ZNF732: variants seen among roughly 807,000 people sequenced by gnomAD.
ZNF732 encodes the protein zinc finger protein 732, also known as zinc finger protein LOC654254.
Under a neutral mutation model 11.5 loss-of-function variants are expected in ZNF732, and 12 were observed. That is an observed-to-expected ratio of 1.05 (90% CI 0.67 to 1.70). The LOEUF is 1.70. Ranked by LOEUF, ZNF732 falls within the 40% of genes most tolerant of loss-of-function variation. The pLI, the probability that ZNF732 is intolerant of heterozygous loss-of-function variation, is 0.00. For synonymous variants in ZNF732, 231 were observed against 236.5 expected (o/e 0.98, Z 0.21); for missense variants, 702 against 676.9 (o/e 1.04, Z -0.41).
intron 3 of ZNF732, among the ~76,000 whole-genome samples, chr4:287,567 A>T (rs1719757972): frequency 6.6e-6 from 1 of 152,078 alleles, no homozygotes; most frequent in Non-Finnish European, 1.5e-5. Context: ...ATATTGTCAA[A>T]TGACAATACT....
At position 299,354 on chromosome 4, in the gene ZNF732, C is replaced by CATATATACACATATGTGTATAT. The variant is rs1560164921; in HGVS notation, c.4-3221_4-3200dup. ...AGAAGCAGTTATGAGTATATATACA[C>CATATATACACATATGTGTATAT]ATATATACACATATGTGTATATATA... On this transcript the variant is annotated intron_variant, in intron 1 of 3. Coordinates refer to ENST00000419098, the MANE Select transcript of ZNF732 (RefSeq NM_001137608.3). 2.4e-4 allele frequency among the ~76,000 whole-genome samples: 30 copies of CATATATACACATATGTGTATAT among 126,482 alleles called. 1 individual carries two copies. The highest frequency in any genetic ancestry group is 4.6e-4 in the South Asian group (2 of 4,366). The allele number at this position is 126,482 out of a possible 152,430, so 83.0% of individuals were successfully genotyped here.
chr4:301,006 AT>A (rs1553843543), intron 1 of ZNF732, among the ~76,000 whole-genome samples: 1 of 152,238 alleles, frequency 6.6e-6, no homozygotes, highest in Non-Finnish European at 1.5e-5. Flanking sequence ...TCTACAAAGA[AT>A]TCAAACAAAT....
At chr4:280,704 A>C (rs111711081) in intron 3 of ZNF732, among the ~76,000 whole-genome samples, 1 of 152,236 alleles carries the variant, frequency 6.6e-6, no homozygotes, top group Admixed American at 6.5e-5. Flanking sequence ...CCCTTGCTTG[A>C]GTGGCATGCT....
At chr4:303,729 T>C (rs1447730189) in intron 1 of ZNF732, among the ~76,000 whole-genome samples, 2 of 152,258 alleles carry the variant, frequency 1.3e-5, no homozygotes, top group Admixed American at 6.5e-5. Flanking sequence ...AATTTGGGTT[T>C]GCTCCTGCAA....
At chr4:288,826 G>T (rs1484697862) in intron 3 of ZNF732, among the ~76,000 whole-genome samples, 1 of 152,150 alleles carries the variant, frequency 6.6e-6, no homozygotes, top group African/African-American at 2.4e-5. Flanking sequence ...GGCGGAAGTG[G>T]GCTGATCATG....
chr4:299,443 A>G lies in ZNF732; in HGVS notation c.4-3288T>C, dbSNP rs1412164671. 3.7e-4 allele frequency among the ~76,000 whole-genome samples: 16 copies of G among 43,472 alleles called. 3 individuals carry two copies. The highest frequency in any genetic ancestry group is 1.4e-3 in the African/African-American group (15 of 10,650). The allele number at this position is 43,472 out of a possible 152,430, so 28.5% of individuals were successfully genotyped here. A position where few individuals can be genotyped will look rare whatever the true frequency, so the allele number is the denominator to read the frequency against. ...CATATATACACATATGTGTATATAT[A>G]TATATATACACATATGTGTATATAT... On this transcript the variant is annotated intron_variant, in intron 1 of 3. Coordinates refer to ENST00000419098, the MANE Select transcript of ZNF732 (RefSeq NM_001137608.3).
At chr4:301,536 C>G (rs1720117735) in intron 1 of ZNF732, among the ~76,000 whole-genome samples, 2 of 152,106 alleles carry the variant, frequency 1.3e-5, no homozygotes, top group Non-Finnish European at 2.9e-5. Context: ...TACTATGCAG[C>G]CATAAAAAAT....
chr4:291,406 A>G (rs1719840946), intron 3 of ZNF732, among the ~76,000 whole-genome samples: 1 of 152,230 alleles, frequency 6.6e-6, no homozygotes, highest in South Asian at 2.1e-4. Context: ...TTTCATTTCC[A>G]TAAAGTAACA....
At chr4:303,403 G>A (rs1553843864) in intron 1 of ZNF732, among the ~76,000 whole-genome samples, 2 of 152,178 alleles carry the variant, frequency 1.3e-5, no homozygotes, top group Admixed American at 1.3e-4. Context: ...TAACACCTGA[G>A]GTAAGGAGTT....
chr4:294,485 A>G (rs941946634), intron 3 of ZNF732, among the ~76,000 whole-genome samples: 10 of 152,228 alleles, frequency 6.6e-5, no homozygotes, highest in Non-Finnish European at 1.3e-4. Context: ...AGACAAAATT[A>G]TAATAGTTAT....
chr4:290,412 A>T (rs73791816), intron 3 of ZNF732, among the ~76,000 whole-genome samples: 8,744 of 152,314 alleles, frequency 0.057, 404 homozygotes, highest in African/African-American at 0.13. Context: ...CTGCAGGAAG[A>T]CACAGCCAGC....
chr4:284,166 C>T (rs6814967), intron 3 of ZNF732, among the ~76,000 whole-genome samples: 2,201 of 152,208 alleles, frequency 0.014, 63 homozygotes, highest in African/African-American at 0.051. Flanking sequence ...CCACCTCAGC[C>T]TCCCAAAGTG....
rs782043727 is a variant in ZNF732, at chr4:272,183, C to A, written c.674G>T (p.Cys225Phe). The A allele has an allele frequency of 2.5e-6, 4 of 1,613,322 alleles. No individual in the cohort carries two copies. In the African/African-American group the frequency reaches 4.0e-5, roughly 16 times the overall value. The change falls in exon 4 of 4, where the codon TGT (cysteine) becomes TTT (phenylalanine). Residue 225 changes from cysteine (C) to phenylalanine (F), a missense_variant. Around this residue, in one of 3 missense-constraint regions of ZNF732, gnomAD observed 596 missense variants for 557.9 expected, o/e 1.07. Transcript: ENST00000419098. ...GGTAAAGATGTTGCCACATTCTTCA[C>A]ATGTGAAGGGTTTCTCTCCAGTATG... ...IIHTGEKPFT[C>F]EECGNIFTTS...
chr4:296,681 C>T (rs181391253), intron 1 of ZNF732, among the ~76,000 whole-genome samples: 1 of 152,108 alleles, frequency 6.6e-6, no homozygotes, highest in Non-Finnish European at 1.5e-5. Flanking sequence ...ATATTCTCGG[C>T]CTCACTGTAA....
In ZNF732 at chr4:272,675, G is replaced by A. The variant is rs142883220; in HGVS notation, c.227-45C>T. 5.6e-3 allele frequency: 7,842 copies of A among 1,411,340 alleles called. 26 individuals carry two copies. Among genetic ancestry groups the A allele is most frequent in the Non-Finnish European group, 6.4e-3 (6,860 of 1,072,030 alleles). The allele number at this position is 1,411,340 out of a possible 1,614,324, so 87.4% of individuals were successfully genotyped here. Reference sequence around the variant, plus strand: ...ATTATCCTGCTTACTAGATTCATACGAATATACTTTAAAAATCTAATATAT... The same window carrying A: ...ATTATCCTGCTTACTAGATTCATACAAATATACTTTAAAAATCTAATATAT... On this transcript the variant is annotated intron_variant, in intron 3 of 3. Coordinates refer to ENST00000419098, the MANE Select transcript of ZNF732 (RefSeq NM_001137608.3).
At position 272,417 on chromosome 4, in the gene ZNF732, A is replaced by G; in HGVS notation, c.440T>C (p.Val147Ala). The part of the protein sequence containing the change: ...QSKIFQCNVH[V>A]KVFSTFSNSN... ...ATTTGAAAATGTACTAAATACTTTG[A>G]CATGTACATTACACTGAAATATTTT... is the stretch of plus-strand genomic sequence containing the variant. Residue 147 changes from valine (V) to alanine (A), a missense_variant, in exon 4 of 4, where the codon GTC becomes GCC. This residue lies in a region of ZNF732 where 596 missense variants were observed against 557.9 expected (regional missense o/e 1.07). Transcript: ENST00000419098. 6.3e-7 allele frequency: 1 copy of G among 1,596,420 alleles called. No individual in the cohort carries two copies. Among genetic ancestry groups the G allele is most frequent in the Non-Finnish European group, 8.5e-7 (1 of 1,170,242 alleles).
At chr4:291,613 C>G (rs148146454) in intron 3 of ZNF732, among the ~76,000 whole-genome samples, 2 of 152,204 alleles carry the variant, frequency 1.3e-5, no homozygotes, top group East Asian at 3.9e-4. Flanking sequence ...CAGATTCCAT[C>G]AGGATAACAG....
chr4:284,731 C>T (rs1313134955), intron 3 of ZNF732, among the ~76,000 whole-genome samples: 2 of 151,268 alleles, frequency 1.3e-5, no homozygotes, highest in Admixed American at 6.6e-5. Flanking sequence ...ATTCGCCGGG[C>T]GTGGTGGCGG....
At chr4:297,607 T>TAAAAAAAAAAAAAAAAAA in intron 1 of ZNF732, among the ~76,000 whole-genome samples, 1 of 101,016 alleles carries the variant, frequency 9.9e-6, no homozygotes, top group Non-Finnish European at 2.0e-5. Flanking sequence ...TTAAGATTTG[T>TAAAAAAAAAAAAAAAAAA]AAAAAAAAAA....
Sources: gnomAD v4.1 joint callset for allele counts (sites outside exome capture counted in the v4.1 genomes callset) on GRCh38, gnomAD v4.1.1 for gene constraint, gnomAD v4.1.1 regional missense constraint, MANE v1.5 for transcripts, NCBI Gene and HGNC (gene_info 2026-07-23, HGNC 2026-07-21) for gene names.